The following NEDD9 variants were observed in gnomAD, a reference collection of about 807,000 sequenced individuals.
NEDD9 encodes enhancer of filamentation 1.
A neutral mutation model predicts 76.6 loss-of-function variants in NEDD9; 26 were observed. The observed-to-expected ratio is 0.34, with a 90% confidence interval of 0.25 to 0.47. The LOEUF (loss-of-function observed/expected upper bound fraction) is 0.47. Among genes scored for constraint, NEDD9 ranks in the 20% least tolerant of loss-of-function variants. The pLI is 1.00. For missense variants in NEDD9, 937 were observed against 1,058.5 expected (o/e 0.89, Z 1.59); for synonymous variants, 392 against 414.2 (o/e 0.95, Z 0.65).
chr6:11,339,665 C>G (rs1025930713), intron 1 of NEDD9, among the ~76,000 whole-genome samples: 1 of 152,192 alleles, frequency 6.6e-6, no homozygotes, highest in African/African-American at 2.4e-5. Flanking sequence ...AGACAACATT[C>G]ATTAATCACA....
intron 1 of NEDD9, among the ~76,000 whole-genome samples, chr6:11,223,185 TG>T (rs1257585416): frequency 1.3e-5 from 2 of 152,210 alleles, no homozygotes; most frequent in East Asian, 1.9e-4. Flanking sequence ...GATAGAGGAA[TG>T]GACACCAGAC....
intron 3 of NEDD9, among the ~76,000 whole-genome samples, chr6:11,302,935 A>G (rs1439551300): frequency 6.6e-6 from 1 of 152,228 alleles, no homozygotes; most frequent in Non-Finnish European, 1.5e-5. Context: ...AGCTGGAAGC[A>G]TTCCCTTTGA....
intron 1 of NEDD9, 91 bp downstream of exon 1, chr6:11,232,413 G>GA: frequency 6.7e-7 from 1 of 1,494,376 alleles, no homozygotes; most frequent in Non-Finnish European, 9.3e-7. Context: ...GACACACAAG[G>GA]GACTGACAGT....
At chr6:11,373,848 G>C (rs1762924305) in intron 1 of NEDD9, among the ~76,000 whole-genome samples, 1 of 152,114 alleles carries the variant, frequency 6.6e-6, no homozygotes, top group Non-Finnish European at 1.5e-5. Flanking sequence ...CATAATGTAG[G>C]TGGGCCTCCA....
intron 3 of NEDD9, among the ~76,000 whole-genome samples, chr6:11,250,249 GA>G (rs1759892401): frequency 6.6e-6 from 1 of 152,212 alleles, no homozygotes; most frequent in South Asian, 2.1e-4. Context: ...AATTTTGTGA[GA>G]TGCTGGCCCT....
At chr6:11,292,842 G>A (rs1300237886) in intron 3 of NEDD9, among the ~76,000 whole-genome samples, 2 of 152,106 alleles carry the variant, frequency 1.3e-5, no homozygotes, top group African/African-American at 2.4e-5. Flanking sequence ...ACCTCCCTGG[G>A]TTCTAATACA....
chr6:11,344,432 G>T (rs1337737265), intron 1 of NEDD9, among the ~76,000 whole-genome samples: 1 of 152,164 alleles, frequency 6.6e-6, no homozygotes, highest in Non-Finnish European at 1.5e-5. Flanking sequence ...ACACATTCCT[G>T]TCGTAAGCAT....
chr6:11,267,041 T>C (rs955194289), intron 3 of NEDD9, among the ~76,000 whole-genome samples: 2 of 152,244 alleles, frequency 1.3e-5, no homozygotes, highest in African/African-American at 4.8e-5. Context: ...AGAGTTTTTA[T>C]AGCACCATGT....
rs147934321 is a variant in NEDD9, at chr6:11,210,766, G to GGAGAGAGAGAGAGAGAGAGAGA, written c.459+2493_459+2514dup. Among the ~76,000 whole-genome samples, 6 of 121,932 alleles carry GGAGAGAGAGAGAGAGAGAGAGA rather than the reference G, an allele frequency of 4.9e-5. No individual in the cohort carries two copies. In the South Asian group the frequency reaches 1.8e-3, roughly 36 times the overall value. 80.0% of individuals were successfully genotyped at this position (121,932 alleles called of 152,430 possible). A position where few individuals can be genotyped will look rare whatever the true frequency, so the allele number is the denominator to read the frequency against. ...GAGAGGGAAGGAGGGAGGGATGGGG[G>GGAGAGAGAGAGAGAGAGAGAGA]GAGAGAGAGAGAGAGAGAGAGAGAG... On this transcript the variant is annotated intron_variant, in intron 2 of 6. Transcript: ENST00000379446.
intron 1 of NEDD9, among the ~76,000 whole-genome samples, chr6:11,335,867 T>A (rs567613071): frequency 6.6e-6 from 1 of 152,324 alleles, no homozygotes; most frequent in East Asian, 1.9e-4. Flanking sequence ...AAGAAGGAAA[T>A]CTGACCAAGT....
chr6:11,204,706 G>C (rs954485504), intron 2 of NEDD9, among the ~76,000 whole-genome samples: 2 of 134,622 alleles, frequency 1.5e-5, no homozygotes, highest in African/African-American at 5.9e-5. Flanking sequence ...GTCAACAGAG[G>C]GAGGGTCCGT....
Position 11,238,067 on chromosome 6 carries a change from T to C in NEDD9, c.13-24340A>G, listed in dbSNP as rs539355395. On this transcript the variant is annotated intron_variant, in intron 3 of 3. Transcript: ENST00000397378. ...AGAAACCTCCTCAAAGACCAGCCAT[T>C]GAGAGTTTTCTCCTTCAATACAACT... Among the ~76,000 whole-genome samples the C allele has an allele frequency of 3.9e-5, 6 of 152,320 alleles. No homozygotes were observed. The East Asian group carries it at 5.8e-4, about 15-fold the overall frequency.
chr6:11,230,993 A>G (rs1329588673), intron 1 of NEDD9, among the ~76,000 whole-genome samples: 1 of 152,222 alleles, frequency 6.6e-6, no homozygotes, highest in East Asian at 1.9e-4. Context: ...AGACATATGA[A>G]CATACTTTCT....
intron 3 of NEDD9, among the ~76,000 whole-genome samples, chr6:11,274,438 G>A (rs963627553): frequency 6.6e-6 from 1 of 152,196 alleles, no homozygotes; most frequent in Non-Finnish European, 1.5e-5. Context: ...TGTGAATGCT[G>A]TAGATCAACC....
At chr6:11,256,615 C>T (rs1002584660) in intron 3 of NEDD9, among the ~76,000 whole-genome samples, 10 of 152,260 alleles carry the variant, frequency 6.6e-5, no homozygotes, top group Non-Finnish European at 1.3e-4. Flanking sequence ...TGCGTGCCAC[C>T]GTGCTTGGCT....
intron 1 of NEDD9, among the ~76,000 whole-genome samples, chr6:11,367,653 G>A (rs1390199842): frequency 3.3e-5 from 5 of 151,886 alleles, no homozygotes; most frequent in Non-Finnish European, 4.4e-5. Flanking sequence ...GCTGCAATTA[G>A]CAAGTCTCTC....
At chr6:11,364,181 A>T (rs767395225) in intron 1 of NEDD9, among the ~76,000 whole-genome samples, 3 of 152,148 alleles carry the variant, frequency 2.0e-5, no homozygotes, top group Non-Finnish European at 4.4e-5. Flanking sequence ...CCAAATCAAA[A>T]CTCTGGCACT....
intron 1 of NEDD9, among the ~76,000 whole-genome samples, chr6:11,223,573 A>C (rs1759212512): frequency 6.6e-6 from 1 of 152,218 alleles, no homozygotes. Flanking sequence ...CACTTCAGAG[A>C]AATGAAATTC....
chr6:11,327,838 T>C (rs2113490641), intron 2 of NEDD9, among the ~76,000 whole-genome samples: 1 of 152,348 alleles, frequency 6.6e-6, no homozygotes, highest in East Asian at 1.9e-4. Flanking sequence ...CTGGCTTAAG[T>C]CGTCTTAATC....
Sources: gnomAD v4.1 joint callset for allele counts (sites outside exome capture counted in the v4.1 genomes callset) on GRCh38, gnomAD v4.1.1 for gene constraint, MANE v1.5 for transcripts, NCBI Gene and HGNC (gene_info 2026-07-23, HGNC 2026-07-21) for gene names.